FAM227B: variants seen among roughly 807,000 people sequenced by gnomAD.
The protein encoded by FAM227B is protein FAM227B.
A neutral mutation model predicts 73.8 loss-of-function variants in FAM227B; 88 were observed. That is an observed-to-expected ratio of 1.19 (90% CI 1.00 to 1.42). FAM227B has a LOEUF of 1.42. FAM227B is among the 40% of genes most tolerant of loss of function. The pLI, the probability that FAM227B is intolerant of heterozygous loss-of-function variation, is 0.00. For synonymous variants in FAM227B, 210 were observed against 190.5 expected, an observed-to-expected ratio of 1.10 and a Z score of -0.84; for missense variants, 632 against 590.9, an observed-to-expected ratio of 1.07 and a Z score of -0.72.
rs189593537 is a variant in FAM227B, at chr15:49,588,725, G to A, written c.338-642C>T. Among the ~76,000 whole-genome samples the A allele has an allele frequency of 1.7e-3, 249 of 150,496 alleles. 3 individuals are homozygous for A. Among genetic ancestry groups the A allele is most frequent in the Admixed American group, 4.2e-3 (63 of 15,080 alleles). On this transcript the variant is annotated intron_variant, in intron 4 of 15. Transcript: ENST00000299338. ...CACACACATGGGTGTCTGTGTGTAT[G>A]TGTGTATGCAAGCTATATATATGTG...
In FAM227B at chr15:49,589,961, G is replaced by C; in HGVS notation, c.152C>G (p.Ser51Ter). Residue 51 changes from serine (S) to a stop codon, truncating the protein, a stop_gained, in exon 4 of 16, where the codon TCA (serine) becomes TGA (stop). Transcript: ENST00000299338. LOFTEE classifies it high-confidence loss of function. Reference sequence around the variant, plus strand: ...TTCTTTTATTTTTTTCAGAGTGCATGACCATTTATCATCATCTCTAAAATG... The same window carrying C: ...TTCTTTTATTTTTTTCAGAGTGCATCACCATTTATCATCATCTCTAAAATG... ...EIHFRDDDKW[S>*]CTLKKIKEDS... 6.2e-7 allele frequency: 1 copy of C among 1,607,826 alleles called. No homozygotes were observed. Among genetic ancestry groups the C allele is most frequent in the African/African-American group, 1.3e-5 (1 of 74,842 alleles).
At chr15:49,545,113 G>A (rs944359874) in intron 9 of FAM227B, among the ~76,000 whole-genome samples, 1 of 151,976 alleles carries the variant, frequency 6.6e-6, no homozygotes. Flanking sequence ...GAATTCAGCT[G>A]TGAATTCATC....
At chr15:49,612,411 G>A (rs1355980272) in intron 2 of FAM227B, among the ~76,000 whole-genome samples, 3 of 152,026 alleles carry the variant, frequency 2.0e-5, no homozygotes, top group African/African-American at 4.8e-5. Flanking sequence ...TCCCTACAAA[G>A]GACATGAACT....
chr15:49,490,074 A>G lies in FAM227B; in HGVS notation c.1012+18137T>C, dbSNP rs1012327839. ...GTTGAGAACTAATTAGGTAAATGAAAACAACAACAAAAACCAAAAAACCTC... is the reference window on the plus strand; with the variant it reads ...GTTGAGAACTAATTAGGTAAATGAAGACAACAACAAAAACCAAAAAACCTC... On this transcript the variant is annotated intron_variant, in intron 11 of 15. Coordinates refer to ENST00000299338, the MANE Select transcript of FAM227B (RefSeq NM_152647.3). 2.0e-5 allele frequency among the ~76,000 whole-genome samples: 3 copies of G among 150,222 alleles called. 1 individual carries two copies. Among genetic ancestry groups the G allele is most frequent in the African/African-American group, 7.3e-5 (3 of 40,984 alleles).
At chr15:49,391,904 C>T (rs1270331853) in intron 11 of FAM227B, among the ~76,000 whole-genome samples, 1 of 152,142 alleles carries the variant, frequency 6.6e-6, no homozygotes. Context: ...ATTCTCCTTG[C>T]TTGGCACCCT....
intron 10 of FAM227B, among the ~76,000 whole-genome samples, chr15:49,520,799 C>A (rs776782122): frequency 6.6e-6 from 1 of 151,998 alleles, no homozygotes; most frequent in Non-Finnish European, 1.5e-5. Context: ...ATGAGATTTG[C>A]GTGGGGACAC....
At chr15:49,484,052 T>C (rs1327924342) in intron 11 of FAM227B, among the ~76,000 whole-genome samples, 1 of 152,030 alleles carries the variant, frequency 6.6e-6, no homozygotes, top group Non-Finnish European at 1.5e-5. Context: ...ATAGTTGACA[T>C]GAACTTCCAA....
At chr15:49,348,816 C>T (rs557879835) in intron 13 of FAM227B, among the ~76,000 whole-genome samples, 1 of 152,148 alleles carries the variant, frequency 6.6e-6, no homozygotes, top group Non-Finnish European at 1.5e-5. Flanking sequence ...GGCTTTTACC[C>T]CAGCCTTTGA....
At chr15:49,516,582 C>G (rs2059395572) in intron 10 of FAM227B, among the ~76,000 whole-genome samples, 1 of 151,870 alleles carries the variant, frequency 6.6e-6, no homozygotes, top group Non-Finnish European at 1.5e-5. Flanking sequence ...TAGGCAGAAG[C>G]CATAAGTAAT....
chr15:49,577,605 T>C (rs1418977969), intron 6 of FAM227B, 24 bp downstream of exon 6: 7 of 1,471,274 alleles, frequency 4.8e-6, no homozygotes, highest in Admixed American at 2.0e-5. Flanking sequence ...ATATACAATC[T>C]GGCAGAACAG....
chr15:49,390,978 G>A (rs2047177290), intron 11 of FAM227B, among the ~76,000 whole-genome samples: 1 of 151,876 alleles, frequency 6.6e-6, no homozygotes, highest in Admixed American at 6.6e-5. Flanking sequence ...GAAGATTCAG[G>A]ACTAGTTCTA....
At chr15:49,619,912 G>A (rs537818048) in intron 1 of FAM227B, among the ~76,000 whole-genome samples, 2 of 152,172 alleles carry the variant, frequency 1.3e-5, no homozygotes, top group African/African-American at 2.4e-5. Flanking sequence ...ACACATACAC[G>A]CATATATACA....
chr15:49,599,828 T>A (rs2077081937), intron 3 of FAM227B, among the ~76,000 whole-genome samples: 1 of 152,198 alleles, frequency 6.6e-6, no homozygotes, highest in African/African-American at 2.4e-5. Flanking sequence ...TGGCCCAATA[T>A]ATAATCCATC....
chr15:49,577,053 C>T (rs2075493138), intron 6 of FAM227B: 6 of 439,376 alleles, frequency 1.4e-5, no homozygotes, highest in Non-Finnish European at 2.0e-5. Context: ...TCCCACCACA[C>T]TGGGAGGCTG....
chr15:49,529,590 A>G, intron 10 of FAM227B, among the ~76,000 whole-genome samples: 1 of 151,690 alleles, frequency 6.6e-6, no homozygotes, highest in Non-Finnish European at 1.5e-5. Flanking sequence ...AAATAATACA[A>G]GGAGATACTC....
At chr15:49,355,926 G>A (rs2043081699) in intron 13 of FAM227B, among the ~76,000 whole-genome samples, 1 of 151,456 alleles carries the variant, frequency 6.6e-6, no homozygotes, top group Admixed American at 6.6e-5. Flanking sequence ...AGAGAGTGGG[G>A]GCCAATATTC....
At chr15:49,378,427 T>A (rs1190638141) in intron 11 of FAM227B, among the ~76,000 whole-genome samples, 2 of 152,162 alleles carry the variant, frequency 1.3e-5, no homozygotes, top group East Asian at 1.9e-4. Context: ...ATTATTCCAA[T>A]CTGTGAACAT....
At chr15:49,574,353 A>C (rs188038867) in intron 8 of FAM227B, among the ~76,000 whole-genome samples, 1 of 152,098 alleles carries the variant, frequency 6.6e-6, no homozygotes, top group Admixed American at 6.6e-5. Context: ...TAATCCCCAC[A>C]TGTCGAGGGA....
intron 10 of FAM227B, among the ~76,000 whole-genome samples, chr15:49,536,595 T>C (rs1331272054): frequency 3.3e-5 from 5 of 151,850 alleles, no homozygotes; most frequent in African/African-American, 9.7e-5. Context: ...CAAAAGATCC[T>C]GAGAGGGCAA....
Sources: gnomAD v4.1 joint callset for allele counts (sites outside exome capture counted in the v4.1 genomes callset) on GRCh38, gnomAD v4.1.1 for gene constraint, MANE v1.5 for transcripts, NCBI Gene and HGNC (gene_info 2026-07-23, HGNC 2026-07-21) for gene names.